DLGAP1: variants seen among roughly 807,000 people sequenced by gnomAD.
The protein encoded by DLGAP1 is disks large-associated protein 1.
Under a neutral mutation model 90.8 loss-of-function variants are expected in DLGAP1, and 11 were observed. The ratio of observed to expected loss-of-function variants is 0.12; its 90% CI spans 0.08 to 0.20. The LOEUF (loss-of-function observed/expected upper bound fraction) is 0.20, where lower values mean the gene tolerates loss of function less well. DLGAP1 is among the 10% of genes least tolerant of loss of function. DLGAP1 has a pLI of 1.00. For synonymous variants in DLGAP1, 558 were observed against 540.7 expected, an observed-to-expected ratio of 1.03 and a Z score of -0.44; for missense variants, 1,050 against 1,333.8, an observed-to-expected ratio of 0.79 and a Z score of 3.31.
At chr18:3,882,663 T>C (rs1294615566) in intron 3 of DLGAP1, among the ~76,000 whole-genome samples, 4 of 152,054 alleles carry the variant, frequency 2.6e-5, no homozygotes, top group Non-Finnish European at 5.9e-5. Flanking sequence ...TCATATCCCA[T>C]GTAGGGTATC....
chr18:4,181,487 G>A (rs897113646), intron 1 of DLGAP1, among the ~76,000 whole-genome samples: 12 of 152,202 alleles, frequency 7.9e-5, no homozygotes, highest in Non-Finnish European at 1.2e-4. Flanking sequence ...GGAGCTACCC[G>A]TGATAGGAGT....
intron 7 of DLGAP1, among the ~76,000 whole-genome samples, chr18:3,692,866 C>T (rs2060946788): frequency 1.3e-5 from 2 of 152,128 alleles, no homozygotes; most frequent in African/African-American, 2.4e-5. Flanking sequence ...TGAGGTGGGC[C>T]TGAAGCCAAC....
At chr18:3,571,386 T>G (rs2054774879) in intron 8 of DLGAP1, 1 of 152,110 alleles carries the variant, frequency 6.6e-6, no homozygotes, top group East Asian at 2.0e-4. Flanking sequence ...ACCATACTGA[T>G]GCTGAACTTA....
At chr18:4,379,948 T>G (rs1433867331) in intron 1 of DLGAP1, among the ~76,000 whole-genome samples, 1 of 152,186 alleles carries the variant, frequency 6.6e-6, no homozygotes, top group Non-Finnish European at 1.5e-5. Context: ...TATACATTAC[T>G]TAGATATTTA....
At chr18:3,765,140 TTTTTTG>T (rs2064166093) in intron 5 of DLGAP1, among the ~76,000 whole-genome samples, 1 of 143,756 alleles carries the variant, frequency 7.0e-6, no homozygotes, top group East Asian at 2.2e-4. Context: ...CTTTTTTTTT[TTTTTTG>T]AGACAGAGTC....
chr18:4,049,820 A>T (rs565978862), intron 2 of DLGAP1, among the ~76,000 whole-genome samples: 16 of 151,720 alleles, frequency 1.1e-4, no homozygotes, highest in African/African-American at 3.6e-4. Context: ...CCATCTTTCC[A>T]TCCATCCATC....
intron 1 of DLGAP1, among the ~76,000 whole-genome samples, chr18:4,286,591 G>GA (rs1305512853): frequency 1.1e-4 from 16 of 152,090 alleles, no homozygotes; most frequent in Admixed American, 1.0e-3. Context: ...TGGGGATGGG[G>GA]AAATACAGAG....
chr18:3,580,263 GGGACGCTCCAGGCACC>G, intron 8 of DLGAP1: 1 of 1,604,310 alleles, frequency 6.2e-7, no homozygotes, highest in African/African-American at 1.3e-5. Context: ...AGTGGAGTGG[GGGACGCTCCAGGCACC>G]AGCAATGGCG....
intron 3 of DLGAP1, among the ~76,000 whole-genome samples, chr18:3,907,174 C>T (rs1037677385): frequency 3.9e-5 from 2 of 51,468 alleles, no homozygotes; most frequent in South Asian, 1.2e-3. Flanking sequence ...GGACCAATAC[C>T]CCCCCAAATC....
In DLGAP1 at chr18:4,005,134, C is replaced by G. The variant is rs1160709351; in HGVS notation, c.-91G>C. On this transcript the variant is annotated 5_prime_UTR_variant, in exon 3 of 13. It removes an upstream start codon present in the reference 5' UTR. Transcript: ENST00000315677. ...GACTTACTGTTCTTAGCGCCGTTGTCATTCAATCAGGAATTCTCTCGAGCA... is the reference window on the plus strand; with the variant it reads ...GACTTACTGTTCTTAGCGCCGTTGTGATTCAATCAGGAATTCTCTCGAGCA... 6.6e-6 allele frequency: 1 copy of G among 152,172 alleles called. No individual in the cohort carries two copies. Among genetic ancestry groups the G allele is most frequent in the Non-Finnish European group, 1.5e-5 (1 of 68,040 alleles). 9.4% of individuals were successfully genotyped at this position (152,172 alleles called of 1,614,324 possible).
intron 3 of DLGAP1, among the ~76,000 whole-genome samples, chr18:3,918,063 A>T (rs1175955915): frequency 6.6e-6 from 1 of 152,214 alleles, no homozygotes; most frequent in Non-Finnish European, 1.5e-5. Flanking sequence ...CTTAAATCTG[A>T]CAATGAACTA....
chr18:3,581,121 T>C (rs1256343442), intron 8 of DLGAP1, among the ~76,000 whole-genome samples: 2 of 152,202 alleles, frequency 1.3e-5, no homozygotes, highest in African/African-American at 4.8e-5. Flanking sequence ...TCCCGCTTGC[T>C]GCCTTCAGCC....
At chr18:3,659,843 C>A (rs1428860601) in intron 7 of DLGAP1, among the ~76,000 whole-genome samples, 1 of 152,218 alleles carries the variant, frequency 6.6e-6, no homozygotes, top group African/African-American at 2.4e-5. Context: ...GGATTACACG[C>A]ATGAGCCACC....
At chr18:4,355,839 T>C (rs1188026814) in intron 1 of DLGAP1, among the ~76,000 whole-genome samples, 1 of 96,198 alleles carries the variant, frequency 1.0e-5, no homozygotes, top group African/African-American at 3.1e-5. Flanking sequence ...GAGTCTCCCA[T>C]ACTAGACTAG....
rs2057028711 is a variant in DLGAP1 at position 3,601,616 on chromosome 18, G to C, written c.1592-19368C>G. On this transcript the variant is annotated intron_variant, in intron 7 of 12. Transcript: ENST00000315677. ...CCAGCACTTTGGGAGGCCGAGGTGG[G>C]CCAATCGTTTGAGGTCGGGAATTTG... 2.0e-5 allele frequency among the ~76,000 whole-genome samples: 3 copies of C among 152,074 alleles called. No individual in the cohort carries two copies. The South Asian group carries it at 6.3e-4, about 32-fold the overall frequency.
chr18:3,842,104 G>A (rs2148638203), intron 4 of DLGAP1, among the ~76,000 whole-genome samples: 1 of 137,662 alleles, frequency 7.3e-6, no homozygotes, highest in Non-Finnish European at 1.5e-5. Flanking sequence ...GAAGAGAGGA[G>A]TTTGGCAGGG....
At chr18:3,567,423 G>A (rs977643280) in intron 9 of DLGAP1, 67 bp downstream of exon 9, 39 of 1,331,432 alleles carry the variant, frequency 2.9e-5, no homozygotes, top group African/African-American at 7.3e-5. Flanking sequence ...GACTTATCAC[G>A]GGGAAAAATG....
At chr18:3,736,057 C>T (rs1356011050) in intron 6 of DLGAP1, among the ~76,000 whole-genome samples, 1 of 152,142 alleles carries the variant, frequency 6.6e-6, no homozygotes, top group East Asian at 1.9e-4. Flanking sequence ...GGTATTAAAA[C>T]AGCTGCCTAG....
chr18:3,708,366 T>G (rs2061501289), intron 7 of DLGAP1: 2 of 454,576 alleles, frequency 4.4e-6, no homozygotes, highest in Non-Finnish European at 8.9e-6. Context: ...TGTTTTTTAT[T>G]GTGAGAGCTG....
Sources: allele counts gnomAD v4.1 joint callset (sites outside exome capture counted in the v4.1 genomes callset), GRCh38; gene constraint gnomAD v4.1.1; transcripts MANE v1.5; gene names NCBI Gene and HGNC (gene_info 2026-07-23, HGNC 2026-07-21).